POLR3F: variants seen among roughly 807,000 people sequenced by gnomAD.
POLR3F encodes the protein RNA polymerase III subunit F, also known as DNA-directed RNA polymerase III subunit RPC6.
POLR3F carries 31 observed loss-of-function variants against 43.6 expected under a neutral mutation model. The ratio of observed to expected loss-of-function variants is 0.71; its 90% CI spans 0.53 to 0.96. POLR3F has a LOEUF of 0.96. Among genes scored for constraint, POLR3F ranks in the 40% least tolerant of loss-of-function variants. The probability of loss-of-function intolerance (pLI) is 0.00; values close to 1 mark genes in which losing one functional copy is unlikely to be tolerated. For missense variants in POLR3F, 316 were observed against 391.7 expected (o/e 0.81, Z 1.63); for synonymous variants, 114 against 132.5 (o/e 0.86, Z 0.96).
chr20:18,468,967 T>A lies in POLR3F; in HGVS notation c.86T>A (p.Phe29Tyr). ...AGGATTATAGAATTATGTCACCAGT[T>A]CCCTCATGGAATCACAGACCAAGTA... ...ENRIIELCHQ[F>Y]PHGITDQVIQ... Residue 29 changes from phenylalanine (F) to tyrosine (Y), a missense_variant, in exon 2 of 9, where the codon TTC (phenylalanine) becomes TAC (tyrosine). Phe to Tyr is a conservative substitution (Grantham distance 22). This residue lies in a region of POLR3F where 122 missense variants were observed against 133.8 expected (regional missense o/e 0.91). Coordinates refer to ENST00000377603, the MANE Select transcript of POLR3F (RefSeq NM_006466.4). 6.4e-7 allele frequency: 1 copy of A among 1,550,550 alleles called. No homozygotes were observed. The highest frequency in any genetic ancestry group is 2.2e-5 in the East Asian group (1 of 44,600).
intron 5 of POLR3F, among the ~76,000 whole-genome samples, chr20:18,479,265 G>A (rs1372306512): frequency 6.6e-6 from 1 of 152,198 alleles, no homozygotes; most frequent in Non-Finnish European, 1.5e-5. Flanking sequence ...GGAGGCTGAG[G>A]CGGGAGGATC....
chr20:18,478,406 G>A (rs2059791568), intron 5 of POLR3F, among the ~76,000 whole-genome samples: 1 of 151,768 alleles, frequency 6.6e-6, no homozygotes, highest in African/African-American at 2.4e-5. Context: ...GTAGAGACAG[G>A]GTTTTACTAT....
At chr20:18,474,397 T>G (rs1402865329) in intron 4 of POLR3F, among the ~76,000 whole-genome samples, 1 of 152,190 alleles carries the variant, frequency 6.6e-6, no homozygotes, top group African/African-American at 2.4e-5. Context: ...CAAATTTAAG[T>G]TTGTATTTCA....
Position 18,468,963 on chromosome 20 carries a change from C to T in POLR3F, c.82C>T (p.Gln28Ter), listed in dbSNP as rs1029518785. The T allele has an allele frequency of 4.6e-6, 7 of 1,534,180 alleles. No homozygotes were observed. Among genetic ancestry groups the T allele is most frequent in the Non-Finnish European group, 5.4e-6 (6 of 1,107,112 alleles). Residue 28 changes from glutamine to a stop codon, truncating the protein, a stop_gained, in exon 2 of 9, where the codon CAG (glutamine) becomes TAG (stop). Coordinates refer to ENST00000377603, the MANE Select transcript of POLR3F (RefSeq NM_006466.4). LOFTEE classifies it high-confidence loss of function. ...TTCTAGGATTATAGAATTATGTCAC[C>T]AGTTCCCTCATGGAATCACAGACCA... ...IENRIIELCH[Q>*]FPHGITDQVI...
chr20:18,472,691 AG>A (rs2148862470), intron 2 of POLR3F, 150 bp from the exon 3 acceptor site: 1 of 504,410 alleles, frequency 2.0e-6, no homozygotes, highest in East Asian at 3.4e-5. Flanking sequence ...TCTAGCCTAC[AG>A]GAAATTGTTA....
intron 2 of POLR3F, chr20:18,469,273 C>T (rs2059734510): frequency 5.8e-6 from 3 of 515,296 alleles, no homozygotes; most frequent in Non-Finnish European, 1.1e-5. Flanking sequence ...AGATATGGGT[C>T]CAGTTGGGTG....
intron 1 of POLR3F, 144 bp downstream of exon 1, chr20:18,467,712 C>A: frequency 6.7e-7 from 1 of 1,481,826 alleles, no homozygotes; most frequent in Non-Finnish European, 9.0e-7. Context: ...TCTGGACCCA[C>A]TTGTTCCTTC....
At chr20:18,472,697 T>C in intron 2 of POLR3F, 145 bp from the exon 3 acceptor site, 1 of 515,804 alleles carries the variant, frequency 1.9e-6, no homozygotes, top group East Asian at 3.4e-5. Flanking sequence ...CTACAGGAAA[T>C]TGTTAGTGAT....
chr20:18,468,163 G>T (rs1246535303), intron 1 of POLR3F, among the ~76,000 whole-genome samples: 1 of 152,086 alleles, frequency 6.6e-6, no homozygotes, highest in African/African-American at 2.4e-5. Flanking sequence ...TGCAATCTCC[G>T]CCTCCCGGGT....
intron 8 of POLR3F, 142 bp downstream of exon 8, chr20:18,481,952 A>G: frequency 1.8e-6 from 1 of 570,150 alleles, no homozygotes; most frequent in Non-Finnish European, 3.1e-6. Context: ...ACCTTGATGA[A>G]CAGACCTTTA....
Position 18,473,450 on chromosome 20 carries a change from G to A in POLR3F, c.308G>A (p.Gly103Glu), listed in dbSNP as rs774771805. The change falls in exon 4 of 9, where the codon GGA (glycine) becomes GAA (glutamate). Residue 103 changes from glycine to glutamate, a missense_variant. Coordinates refer to ENST00000377603, the MANE Select transcript of POLR3F (RefSeq NM_006466.4). ...KLVYQIIEDA[G>E]NKGIWSRDIR... is the part of the protein sequence containing the mutation. ...GTATATCAAATCATAGAGGATGCAGGAAATAAAGGTAAGCATGTGAAAGAT... is the reference window on the plus strand; with the variant it reads ...GTATATCAAATCATAGAGGATGCAGAAAATAAAGGTAAGCATGTGAAAGAT... 14 of 1,461,814 alleles carry A rather than the reference G, an allele frequency of 9.6e-6. No individual in the cohort carries two copies. The highest frequency in any genetic ancestry group is 6.8e-5 in the East Asian group (3 of 44,084). 90.6% of individuals were successfully genotyped at this position (1,461,814 alleles called of 1,614,324 possible). A position where few individuals can be genotyped will look rare whatever the true frequency, so the allele number is the denominator to read the frequency against.
At position 18,472,892 on chromosome 20, in the gene POLR3F, G is replaced by A. The variant is rs6136387; in HGVS notation, c.231G>A (p.Lys77=). The A allele has an allele frequency of 6.8e-7, 1 of 1,481,086 alleles. No individual in the cohort carries two copies. Among genetic ancestry groups the A allele is most frequent in the Non-Finnish European group, 9.3e-7 (1 of 1,072,888 alleles). 91.7% of individuals were successfully genotyped at this position (1,481,086 alleles called of 1,614,324 possible). A position where few individuals can be genotyped will look rare whatever the true frequency, so the allele number is the denominator to read the frequency against. ...ATACGGGCCTTTTATATAGAATAAAGGACTCTCAGAATGCTGGGTAAGTAC... is the reference window on the plus strand; with the variant it reads ...ATACGGGCCTTTTATATAGAATAAAAGACTCTCAGAATGCTGGGTAAGTAC... ...RSNTGLLYRI[K]DSQNAGKMKG... The change falls in exon 3 of 9, where the codon AAG becomes AAA. Residue 77 remains lysine (K), a synonymous_variant. Coordinates refer to ENST00000377603, the MANE Select transcript of POLR3F (RefSeq NM_006466.4).
In POLR3F at chr20:18,483,812, G is replaced by A. The variant is rs963644295; in HGVS notation, c.*254G>A. 32 of 399,784 alleles carry A rather than the reference G, an allele frequency of 8.0e-5. No homozygotes were observed. Among genetic ancestry groups the A allele is most frequent in the Middle Eastern group, 6.3e-4 (1 of 1,576 alleles). 24.8% of individuals were successfully genotyped at this position (399,784 alleles called of 1,614,324 possible). On this transcript the variant is annotated 3_prime_UTR_variant, in exon 9 of 9. Transcript: ENST00000377603. ...AATAAATAAAACACTTTGAAACTCC[G>A]GAGGACCACATCTTTCAAGACTTCT...
At position 18,480,043 on chromosome 20, in the gene POLR3F, A is replaced by C. The variant is rs1198290196; in HGVS notation, c.435A>C (p.Ser145=). 2 of 1,597,180 alleles carry C rather than the reference A, an allele frequency of 1.3e-6. No homozygotes were observed. Among genetic ancestry groups the C allele is most frequent in the Admixed American group, 3.7e-5 (2 of 54,596 alleles). Reference sequence around the variant, plus strand: ...CTGTGCATGTTCTTTCCTAGGCCTCAAAAAAGAAGGTGTATATGCTCTATA... The same window carrying C: ...CTGTGCATGTTCTTTCCTAGGCCTCCAAAAAGAAGGTGTATATGCTCTATA... The part of the protein sequence containing the change: ...LIKAVKSVAA[S]KKKVYMLYNL... Residue 145 remains serine (S), a synonymous_variant, in exon 6 of 9, where the codon TCA becomes TCC. Coordinates refer to ENST00000377603, the MANE Select transcript of POLR3F (RefSeq NM_006466.4).
At chr20:18,475,475 G>T (rs555142222) in intron 5 of POLR3F, among the ~76,000 whole-genome samples, 1 of 152,150 alleles carries the variant, frequency 6.6e-6, no homozygotes, top group African/African-American at 2.4e-5. Flanking sequence ...ACTTTATCCC[G>T]ACATATTAGC....
chr20:18,475,162 T>C lies in POLR3F; in HGVS notation c.404T>C (p.Leu135Pro). The C allele has an allele frequency of 6.7e-7, 1 of 1,485,012 alleles. No individual in the cohort carries two copies. The highest frequency in any genetic ancestry group is 9.4e-7 in the Non-Finnish European group (1 of 1,063,958). 92.0% of individuals were successfully genotyped at this position (1,485,012 alleles called of 1,614,324 possible). A position where few individuals can be genotyped will look rare whatever the true frequency, so the allele number is the denominator to read the frequency against. The change falls in exon 5 of 9, where the codon CTT becomes CCT. Residue 135 changes from leucine (L) to proline (P), a missense_variant. By Grantham distance (98) the Leu-to-Pro change is moderately conservative. Coordinates refer to ENST00000377603, the MANE Select transcript of POLR3F (RefSeq NM_006466.4). ...CTGAAGAATCTGGAAAGTAAAAAGC[T>C]TATCAAAGCTGTTAAGTCTGTAGCA... The part of the protein sequence containing the change: ...KILKNLESKK[L>P]IKAVKSVAAS...
Position 18,469,123 on chromosome 20 carries a change from A to G in POLR3F, c.180+62A>G, listed in dbSNP as rs978207929. 3.7e-6 allele frequency: 3 copies of G among 806,934 alleles called. No individual in the cohort carries two copies. In the African/African-American group the frequency reaches 5.1e-5, roughly 14 times the overall value. 50.0% of individuals were successfully genotyped at this position (806,934 alleles called of 1,614,324 possible). A position where few individuals can be genotyped will look rare whatever the true frequency, so the allele number is the denominator to read the frequency against. On this transcript the variant is annotated intron_variant, in intron 2 of 8. Coordinates refer to ENST00000377603, the MANE Select transcript of POLR3F (RefSeq NM_006466.4). ...ATGCTGATTATCACTGGTTTTTATT[A>G]TGTAGTTGTGATGGTTAATTTCATG...
intron 1 of POLR3F, among the ~76,000 whole-genome samples, chr20:18,468,496 C>T (rs906525253): frequency 1.3e-5 from 2 of 152,108 alleles, no homozygotes; most frequent in African/African-American, 4.8e-5. Context: ...AAGATTTTGA[C>T]TTTTTTTGTT....
intron 8 of POLR3F, 109 bp from the exon 9 acceptor site, chr20:18,483,372 G>C (rs572342363): frequency 4.9e-6 from 3 of 613,982 alleles, no homozygotes; most frequent in African/African-American, 3.8e-5. Context: ...TACAGTCCTA[G>C]TCCCTTTCAG....
Sources: gnomAD v4.1 joint callset for allele counts (sites outside exome capture counted in the v4.1 genomes callset) on GRCh38, gnomAD v4.1.1 for gene constraint, gnomAD v4.1.1 regional missense constraint, MANE v1.5 for transcripts, NCBI Gene and HGNC (gene_info 2026-07-23, HGNC 2026-07-21) for gene names.